Variants in NLRC3 observed in about 807,000 individuals in gnomAD.
NLRC3 encodes the protein NLR family CARD domain-containing protein 3.
A neutral mutation model predicts 91.6 loss-of-function variants in NLRC3; 87 were observed. That is an observed-to-expected ratio of 0.95 (90% CI 0.80 to 1.14). The LOEUF (loss-of-function observed/expected upper bound fraction) is 1.14. NLRC3 is among the 50% of genes most tolerant of loss of function. The pLI is 0.00. For synonymous variants in NLRC3, 694 were observed against 625.3 expected, an observed-to-expected ratio of 1.11 and a Z score of -1.64; for missense variants, 1,577 against 1,418.6, an observed-to-expected ratio of 1.11 and a Z score of -1.79.
rs556488628 is a variant in NLRC3, at chr16:3,561,709, T to C, written c.2008A>G (p.Lys670Glu). The C allele has an allele frequency of 6.2e-7, 1 of 1,611,968 alleles. No homozygotes were observed. Among genetic ancestry groups the C allele is most frequent in the South Asian group, 1.1e-5 (1 of 91,046 alleles). ...CCCCTGGGTCTGTGTTACCTGATCT[T>C]CTGAATGCGACAGTCCTTCCCACTC... The part of the protein sequence containing the change: ...VLSGKDCRIQ[K>E]ISLAENQISN... Residue 670 changes from lysine to glutamate, a missense_variant, in exon 6 of 20, where the codon AAG becomes GAG. Physicochemically the swap from Lys to Glu is moderately conservative, Grantham distance 56. Coordinates refer to ENST00000359128, the MANE Select transcript of NLRC3 (RefSeq NM_178844.4).
intron 15 of NLRC3, 106 bp downstream of exon 15, chr16:3,548,029 G>A (rs2038787533): frequency 1.4e-6 from 1 of 726,480 alleles, no homozygotes; most frequent in Non-Finnish European, 2.4e-6. Flanking sequence ...GGGAAGAGGA[G>A]TGCCAGGGGT....
At chr16:3,575,444 G>C (rs2040251000) in intron 1 of NLRC3, among the ~76,000 whole-genome samples, 1 of 152,230 alleles carries the variant, frequency 6.6e-6, no homozygotes, top group African/African-American at 2.4e-5. Context: ...GAGGACAGGT[G>C]GGACTCGGGT....
At position 3,564,024 on chromosome 16, in the gene NLRC3, C is replaced by T. The variant is rs745914227; in HGVS notation, c.913G>A (p.Asp305Asn). 1.2e-6 allele frequency: 2 copies of T among 1,610,736 alleles called. No homozygotes were observed. Among genetic ancestry groups the T allele is most frequent in the Admixed American group, 1.7e-5 (1 of 60,024 alleles). Residue 305 changes from aspartate (D) to asparagine (N), a missense_variant, in exon 5 of 20, where the codon GAC becomes AAC. Asp to Asn is a conservative substitution (Grantham distance 23, BLOSUM62 1). Coordinates refer to ENST00000359128, the MANE Select transcript of NLRC3 (RefSeq NM_178844.4). The surrounding 1 kb of genome is among the most constrained non-coding windows in gnomAD (Gnocchi z 5.9). ...KVCLEQMFPE[D>N]QALLGWMLSQ... ...AGCATCCAGCCCAGAAGGGCCTGGT[C>T]CTCGGGGAACATCTGCTCCAAACAC...
At chr16:3,573,997 A>G (rs1308747207) in intron 1 of NLRC3, among the ~76,000 whole-genome samples, 7 of 130,550 alleles carry the variant, frequency 5.4e-5, no homozygotes, top group Non-Finnish European at 1.6e-5. Context: ...GCCCATTGTA[A>G]CCATTTTATC....
chr16:3,554,899 G>A (rs2039221012), intron 8 of NLRC3, among the ~76,000 whole-genome samples: 1 of 152,148 alleles, frequency 6.6e-6, no homozygotes. Context: ...AACATATCAT[G>A]GTCTGTCCAT....
chr16:3,565,497 A>G (rs1402320017), intron 2 of NLRC3, 117 bp from the exon 3 acceptor site: 3 of 322,958 alleles, frequency 9.3e-6, no homozygotes, highest in East Asian at 1.8e-4. Flanking sequence ...AAAAAAAAAA[A>G]GGCAGCAGCA....
At chr16:3,555,228 T>G (rs1596462223) in intron 8 of NLRC3, among the ~76,000 whole-genome samples, 1 of 79,180 alleles carries the variant, frequency 1.3e-5, no homozygotes. Context: ...AGACTCCGTC[T>G]CAAAAAAAAA....
intron 17 of NLRC3, 83 bp from the exon 18 acceptor site, chr16:3,542,858 C>T: frequency 2.3e-6 from 2 of 888,520 alleles, no homozygotes; most frequent in Non-Finnish European, 3.6e-6. Context: ...CTTGGGGCTG[C>T]TTGGTAGAGG....
chr16:3,563,708 T>C lies in NLRC3; in HGVS notation c.1229A>G (p.Lys410Arg). The C allele has an allele frequency of 6.2e-7, 1 of 1,613,620 alleles. No homozygotes were observed. The highest frequency in any genetic ancestry group is 8.5e-7 in the Non-Finnish European group (1 of 1,179,830). Reference sequence around the variant, plus strand: ...TTGCTCGTAAAACACGTATTTCTTCTTGAGCAGCCCATGGAAGGCCAGACG... The same window carrying C: ...TTGCTCGTAAAACACGTATTTCTTCCTGAGCAGCCCATGGAAGGCCAGACG... ...LGRLAFHGLL[K>R]KKYVFYEQDM... is the part of the protein sequence containing the mutation. The change falls in exon 5 of 20, where the codon AAG becomes AGG. Residue 410 changes from lysine to arginine, a missense_variant. Transcript: ENST00000359128.
chr16:3,552,350 G>A (rs1022193565), intron 9 of NLRC3, 71 bp from the exon 10 acceptor site: 15 of 1,126,422 alleles, frequency 1.3e-5, no homozygotes, highest in Non-Finnish European at 1.9e-5. Context: ...GACGGTTCAG[G>A]TTCAAGGTCA....
In NLRC3 at chr16:3,564,624, C is replaced by T. The variant is rs927921341; in HGVS notation, c.313G>A (p.Asp105Asn). Residue 105 changes from aspartate (D) to asparagine (N), a missense_variant, in exon 5 of 20, where the codon GAC (aspartate) becomes AAC (asparagine). Physicochemically the swap from Asp to Asn is conservative, Grantham distance 23. Coordinates refer to ENST00000359128, the MANE Select transcript of NLRC3 (RefSeq NM_178844.4). The surrounding 1 kb of genome is among the most constrained non-coding windows in gnomAD (Gnocchi z 5.9). ...GLTDLQLREH[D>N]FTQVEATRGG... is the part of the protein sequence containing the mutation. Reference sequence around the variant, plus strand: ...CGGGTGGCCTCCACCTGTGTGAAGTCGTGTTCCCTCAGCTGCAGGTCCGTC... The same window carrying T: ...CGGGTGGCCTCCACCTGTGTGAAGTTGTGTTCCCTCAGCTGCAGGTCCGTC... 47 of 1,609,088 alleles carry T rather than the reference C, an allele frequency of 2.9e-5. No homozygotes were observed. Among genetic ancestry groups the T allele is most frequent in the Non-Finnish European group, 3.8e-5 (45 of 1,179,736 alleles).
intron 15 of NLRC3, among the ~76,000 whole-genome samples, chr16:3,546,282 G>A (rs557559310): frequency 6.6e-6 from 1 of 151,904 alleles, no homozygotes; most frequent in Admixed American, 6.6e-5. Flanking sequence ...TATGCTGGAT[G>A]TGGTGGTTTG....
chr16:3,544,372 G>A (rs369107587), intron 15 of NLRC3, 43 bp from the exon 16 acceptor site: 26 of 1,400,516 alleles, frequency 1.9e-5, no homozygotes, highest in African/African-American at 1.3e-4. Flanking sequence ...GGGGCACAGG[G>A]AGCATTCTAG....
At chr16:3,554,410 C>T (rs558598565) in intron 8 of NLRC3, 85 bp from the exon 9 acceptor site, 104 of 987,990 alleles carry the variant, frequency 1.1e-4, no homozygotes, top group Non-Finnish European at 1.0e-4. Context: ...GGGGGCACCT[C>T]TGTGGAGCAA....
chr16:3,541,768 T>C lies in NLRC3; in HGVS notation c.*57A>G. On this transcript the variant is annotated 3_prime_UTR_variant, in exon 20 of 20. Coordinates refer to ENST00000359128, the MANE Select transcript of NLRC3 (RefSeq NM_178844.4). Reference sequence around the variant, plus strand: ...GACAGGCCCCCCAGAAGTCGGCCTTTCTGTTCAAAAGCTTCCAGCTGAGCA... The same window carrying C: ...GACAGGCCCCCCAGAAGTCGGCCTTCCTGTTCAAAAGCTTCCAGCTGAGCA... The C allele has an allele frequency of 8.1e-7, 1 of 1,234,572 alleles. No individual in the cohort carries two copies. The highest frequency in any genetic ancestry group is 1.2e-6 in the Non-Finnish European group (1 of 849,708). The allele number at this position is 1,234,572 out of a possible 1,614,324, so 76.5% of individuals were successfully genotyped here. A position where few individuals can be genotyped will look rare whatever the true frequency, so the allele number is the denominator to read the frequency against.
intron 10 of NLRC3, among the ~76,000 whole-genome samples, chr16:3,551,445 C>G (rs974344727): frequency 6.6e-6 from 1 of 150,710 alleles, no homozygotes; most frequent in Non-Finnish European, 1.5e-5. Flanking sequence ...CATTTATCTA[C>G]TCTACTCATT....
At chr16:3,549,813 G>T in intron 11 of NLRC3, 33 bp from the exon 12 acceptor site, 1 of 1,492,012 alleles carries the variant, frequency 6.7e-7, no homozygotes. Context: ...GGGTGTGGCT[G>T]TCCCAGGACC....
In NLRC3 at chr16:3,563,203, C is replaced by A. The variant is rs534705793; in HGVS notation, c.1734G>T (p.Glu578Asp). The change falls in exon 5 of 20, where the codon GAG becomes GAT. Residue 578 changes from glutamate (E) to aspartate (D), a missense_variant. Glu to Asp is a conservative substitution (Grantham distance 45). Coordinates refer to ENST00000359128, the MANE Select transcript of NLRC3 (RefSeq NM_178844.4). ...TGGCCTCCTCCACGCTGCGGGCCAG[C>A]TCGGTGTGCTGCAGCTCATGCAGGC... is the stretch of plus-strand genomic sequence containing the variant. ...LHCLHELQHTELARSVEEAME... is the reference protein window; with the variant it reads ...LHCLHELQHTDLARSVEEAME... 21 of 1,597,570 alleles carry A rather than the reference C, an allele frequency of 1.3e-5. 1 individual carries two copies. In the Admixed American group the frequency reaches 1.9e-4, roughly 14 times the overall value.
chr16:3,574,260 G>A (rs1236703708), intron 1 of NLRC3, among the ~76,000 whole-genome samples: 1 of 151,850 alleles, frequency 6.6e-6, no homozygotes, highest in Non-Finnish European at 1.5e-5. Context: ...AAAAGTGCTG[G>A]GATTACAGGT....
Sources: gnomAD v4.1 joint callset for allele counts (sites outside exome capture counted in the v4.1 genomes callset) on GRCh38, gnomAD v4.1.1 for gene constraint, Gnocchi (gnomAD v3.1) non-coding constraint, MANE v1.5 for transcripts, NCBI Gene and HGNC (gene_info 2026-07-23, HGNC 2026-07-21) for gene names.